SYT16: variants seen among roughly 807,000 people sequenced by gnomAD.
SYT16 encodes the protein synaptotagmin 16.
SYT16 carries 42 observed loss-of-function variants against 61.4 expected under a neutral mutation model. The observed-to-expected ratio is 0.68, with a 90% confidence interval of 0.53 to 0.89. SYT16 has a LOEUF of 0.89. Among genes scored for constraint, SYT16 ranks in the 40% least tolerant of loss-of-function variants. The pLI is 0.00. For missense variants in SYT16, 804 were observed against 807.3 expected, an observed-to-expected ratio of 1.00 and a Z score of 0.05; for synonymous variants, 314 against 302.3, an observed-to-expected ratio of 1.04 and a Z score of -0.40.
At chr14:61,906,848 G>T (rs545337411) in intron 1 of SYT16, among the ~76,000 whole-genome samples, 1 of 143,966 alleles carries the variant, frequency 6.9e-6, no homozygotes, top group Non-Finnish European at 1.5e-5. Flanking sequence ...TGTACTATCC[G>T]CCTATGATGT....
chr14:62,089,969 A>G (rs2057014771), intron 7 of SYT16, among the ~76,000 whole-genome samples: 1 of 152,216 alleles, frequency 6.6e-6, no homozygotes, highest in South Asian at 2.1e-4. Context: ...TTGCAGCTCT[A>G]TTCTGTTCTT....
chr14:61,935,655 T>TG (rs1277035606), intron 1 of SYT16, among the ~76,000 whole-genome samples: 1 of 152,208 alleles, frequency 6.6e-6, no homozygotes, highest in South Asian at 2.1e-4. Context: ...AGAGTTTCTC[T>TG]GGGAAAGTGT....
chr14:61,958,278 T>C (rs2050964600), intron 1 of SYT16, among the ~76,000 whole-genome samples: 1 of 151,814 alleles, frequency 6.6e-6, no homozygotes, highest in Admixed American at 6.6e-5. Context: ...CCATTTTTTT[T>C]CTGATCTTAC....
At chr14:61,837,745 G>A (rs1003442224) in intron 1 of SYT16, among the ~76,000 whole-genome samples, 3 of 152,162 alleles carry the variant, frequency 2.0e-5, no homozygotes, top group African/African-American at 7.2e-5. Flanking sequence ...GAACAGCCAC[G>A]CCTTGGATGC....
intron 3 of SYT16, among the ~76,000 whole-genome samples, chr14:62,009,039 T>G (rs929746908): frequency 6.6e-6 from 1 of 152,192 alleles, no homozygotes; most frequent in Non-Finnish European, 1.5e-5. Flanking sequence ...CGAGGTCCCT[T>G]GAATAAATTT....
intron 2 of SYT16, among the ~76,000 whole-genome samples, chr14:61,976,174 G>T (rs900658039): frequency 6.6e-6 from 1 of 152,216 alleles, no homozygotes; most frequent in Non-Finnish European, 1.5e-5. Context: ...TGATGCAAGA[G>T]GTGGGTTCCC....
At chr14:61,890,197 G>C (rs1478904336) in intron 1 of SYT16, among the ~76,000 whole-genome samples, 1 of 152,320 alleles carries the variant, frequency 6.6e-6, no homozygotes, top group East Asian at 1.9e-4. Context: ...AGTAAGAAAG[G>C]CTGGGAGCTT....
intron 1 of SYT16, among the ~76,000 whole-genome samples, chr14:61,847,119 C>G (rs979890240): frequency 1.3e-5 from 2 of 152,126 alleles, no homozygotes; most frequent in Non-Finnish European, 2.9e-5. Context: ...GTATGTTTCT[C>G]CTTGTACTTA....
chr14:61,985,875 T>C (rs1444332084), intron 2 of SYT16, among the ~76,000 whole-genome samples: 2 of 152,188 alleles, frequency 1.3e-5, no homozygotes, highest in East Asian at 1.9e-4. Flanking sequence ...ATCATAGTTA[T>C]GTTTGAAACA....
intron 1 of SYT16, among the ~76,000 whole-genome samples, chr14:61,877,670 A>T (rs905495550): frequency 3.5e-4 from 53 of 152,072 alleles, no homozygotes; most frequent in Non-Finnish European, 1.0e-4. Context: ...GGGTGTCCTC[A>T]TTTCTGTCCA....
chr14:61,918,107 A>G (rs1226895147), intron 1 of SYT16, among the ~76,000 whole-genome samples: 2 of 152,204 alleles, frequency 1.3e-5, no homozygotes, highest in Admixed American at 1.3e-4. Context: ...ATAAGGAATC[A>G]TAAGGTATGG....
At chr14:61,880,206 C>T (rs973266198) in intron 1 of SYT16, among the ~76,000 whole-genome samples, 1 of 152,144 alleles carries the variant, frequency 6.6e-6, no homozygotes, top group African/African-American at 2.4e-5. Context: ...TTGGCATAAC[C>T]GTGAATAAAT....
At chr14:61,955,529 C>A in intron 1 of SYT16, among the ~76,000 whole-genome samples, 1 of 151,992 alleles carries the variant, frequency 6.6e-6, no homozygotes, top group Admixed American at 6.6e-5. Context: ...TATATGAGAT[C>A]ATGTGGTACC....
rs112948522 is a variant in SYT16 at position 61,931,252 on chromosome 14, TC to T, written c.-324-38878del. Among the ~76,000 whole-genome samples, 25 of 152,308 alleles carry T rather than the reference TC, an allele frequency of 1.6e-4. 1 individual carries two copies. Among genetic ancestry groups the T allele is most frequent in the Middle Eastern group, 3.4e-3 (1 of 294 alleles). On this transcript the variant is annotated intron_variant, in intron 1 of 7. Coordinates refer to ENST00000683842, the MANE Select transcript of SYT16 (RefSeq NM_001367656.1). ...AACAGCCCATTTTGCAGCACATTAG[TC>T]CAAGTCAGGATTCTTTCTTAGAGGA...
chr14:61,944,767 C>T (rs1022658363), intron 1 of SYT16, among the ~76,000 whole-genome samples: 1 of 152,130 alleles, frequency 6.6e-6, no homozygotes, highest in Non-Finnish European at 1.5e-5. Context: ...AAATGTAAGA[C>T]CTAAAACCAT....
chr14:62,108,374 C>G lies in SYT16; in HGVS notation c.*7667C>G, dbSNP rs945485092. The G allele has an allele frequency of 3.9e-5, 6 of 152,058 alleles. No individual in the cohort carries two copies. Among genetic ancestry groups the G allele is most frequent in the Non-Finnish European group, 8.8e-5 (6 of 68,002 alleles). The allele number at this position is 152,058 out of a possible 1,614,324, so 9.4% of individuals were successfully genotyped here. On this transcript the variant is annotated 3_prime_UTR_variant, in exon 8 of 8. Transcript: ENST00000683842. ...TGTACATATCTTGTTTAAAAAAGAC[C>G]TTGATGTTTGAGAAGAAATATCGGA...
intron 1 of SYT16, among the ~76,000 whole-genome samples, chr14:61,919,992 C>G (rs1380656766): frequency 6.6e-6 from 1 of 152,184 alleles, no homozygotes; most frequent in African/African-American, 2.4e-5. Context: ...GTTTTCATCT[C>G]CCCACTGCCT....
Position 61,948,229 on chromosome 14 carries a change from G to A in SYT16, c.-324-21903G>A, listed in dbSNP as rs76977345. 8.2e-3 allele frequency among the ~76,000 whole-genome samples: 1,255 copies of A among 152,160 alleles called. 20 individuals are homozygous for A. The highest frequency in any genetic ancestry group is 0.029 in the African/African-American group (1,185 of 41,498). ...TGTGAGGGATCTGGCAGTATCCTGC[G>A]TAAGTGTATGTGTGTAAAATAATCA... On this transcript the variant is annotated intron_variant, in intron 1 of 7. Coordinates refer to ENST00000683842, the MANE Select transcript of SYT16 (RefSeq NM_001367656.1).
At chr14:61,905,560 C>A (rs1206134305) in intron 1 of SYT16, among the ~76,000 whole-genome samples, 3 of 152,170 alleles carry the variant, frequency 2.0e-5, no homozygotes, top group African/African-American at 7.2e-5. Context: ...CTTCCAAACC[C>A]AGCCTATGGC....
Sources: gnomAD v4.1 joint callset for allele counts (sites outside exome capture counted in the v4.1 genomes callset) on GRCh38, gnomAD v4.1.1 for gene constraint, MANE v1.5 for transcripts, NCBI Gene and HGNC (gene_info 2026-07-23, HGNC 2026-07-21) for gene names.